Variants in ZMYM3 observed in about 807,000 individuals in gnomAD.
ZMYM3 encodes the protein zinc finger MYM-type containing 3, also known as zinc finger MYM-type protein 3.
In ZMYM3, 6 loss-of-function variants were observed where a neutral mutation model predicts 94.2. The observed-to-expected ratio is 0.06, with a 90% CI of 0.03 to 0.13. The LOEUF is 0.13. Ranked by LOEUF, ZMYM3 falls within the 10% of genes least tolerant of loss-of-function variation. The pLI, the probability that ZMYM3 is intolerant of heterozygous loss-of-function variation, is 1.00. For missense variants in ZMYM3, 664 were observed against 1,132.6 expected (o/e 0.59, Z 5.94); for synonymous variants, 420 against 426.5 (o/e 0.98, Z 0.19).
chrX:71,241,386 G>A, intron 23 of ZMYM3, 42 bp from the exon 24 acceptor site: 1 of 1,044,457 alleles, frequency 9.6e-7, no homozygotes, highest in South Asian at 2.3e-5. Context: ...AAGAACACAG[G>A]CTCCATGAGC....
intron 18 of ZMYM3, among the ~76,000 whole-genome samples, chrX:71,245,127 TAAA>T (rs5902685): frequency 7.0e-5 from 3 of 42,629 alleles, no homozygotes; most frequent in Admixed American, 3.1e-4. Context: ...GCTTAAAAAT[TAAA>T]AAAAAAAAAA....
rs150088885 is a variant in ZMYM3 at position 71,241,521 on chromosome X, C to T, written c.3803-177G>A. 5.2e-3 allele frequency among the ~76,000 whole-genome samples: 573 copies of T among 111,087 alleles called. 2 individuals are homozygous for T. Among genetic ancestry groups the T allele is most frequent in the African/African-American group, 0.018 (553 of 30,524 alleles). On this transcript the variant is annotated intron_variant, in intron 23 of 24. Coordinates refer to ENST00000314425, the MANE Select transcript of ZMYM3 (RefSeq NM_201599.3). The stretch of plus-strand genomic sequence containing the variant: ...CTCCCACGCCAACCCAACATCCTGT[C>T]GGGCTGTTGTTATGCAACCCTCCCC...
chrX:71,251,601 C>T lies in ZMYM3; in HGVS notation c.668G>A (p.Gly223Glu), dbSNP rs1373826212. 2 of 1,186,399 alleles carry T rather than the reference C, an allele frequency of 1.7e-6. No homozygotes were observed. The highest frequency in any genetic ancestry group is 2.3e-6 in the Non-Finnish European group (2 of 883,523). The change falls in exon 3 of 25, where the codon GGA becomes GAA. Residue 223 changes from glycine (G) to glutamate (E), a missense_variant and splice_region_variant. Coordinates refer to ENST00000314425, the MANE Select transcript of ZMYM3 (RefSeq NM_201599.3). Reference protein sequence around the residue: ...SSPPAHPSLPGDGLTAKASEK... With the variant: ...SSPPAHPSLPEDGLTAKASEK... ...ACTCGCCTTCGCAGTCAGGCCATCT[C>T]CTGCAAAGGAAGCAGAAGGCAGCCT...
intron 23 of ZMYM3, 130 bp downstream of exon 23, chrX:71,242,040 C>T: frequency 3.3e-6 from 3 of 917,033 alleles, no homozygotes; most frequent in Non-Finnish European, 2.9e-6. Context: ...CCTTTCTGCA[C>T]ACAGGAACAG....
intron 12 of ZMYM3, 46 bp downstream of exon 12, chrX:71,247,688 C>G: frequency 8.4e-7 from 1 of 1,186,351 alleles, no homozygotes. Flanking sequence ...GCCCGTGCTC[C>G]CCACTGCCCT....
chrX:71,254,234 TCGCGAGACAGCGCCGGCCCCCGG>T (rs1369934313), upstream of ZMYM3: 2 of 112,262 alleles, frequency 1.8e-5, no homozygotes, highest in Non-Finnish European at 3.8e-5. Context: ...AGGAGGGGGC[TCGCGAGACAGCGCCGGCCCCCGG>T]CGCGAGACTC....
intron 11 of ZMYM3, 67 bp downstream of exon 11, chrX:71,248,095 C>G: frequency 8.4e-7 from 1 of 1,184,750 alleles, no homozygotes; most frequent in Non-Finnish European, 1.1e-6. Context: ...TCCCGGCCTC[C>G]CTCCCTTCTC....
intron 2 of ZMYM3, chrX:71,251,992 G>C (rs1196849701): frequency 2.4e-6 from 1 of 416,019 alleles, no homozygotes; most frequent in African/African-American, 2.7e-5. Flanking sequence ...GATTCAGGTG[G>C]TTATATAAGC....
At position 71,240,842 on chromosome X, in the gene ZMYM3, G is replaced by C; in HGVS notation, c.*74C>G. ...TTCAGAATGAGTAGCATTGGTTCCT[G>C]GGCCTGTCACCCTGAGGGACATGGC... On this transcript the variant is annotated 3_prime_UTR_variant, in exon 25 of 25. Coordinates refer to ENST00000314425, the MANE Select transcript of ZMYM3 (RefSeq NM_201599.3). The C allele has an allele frequency of 9.2e-7, 1 of 1,085,155 alleles. No individual in the cohort carries two copies. Among genetic ancestry groups the C allele is most frequent in the Non-Finnish European group, 1.3e-6 (1 of 792,745 alleles). 89.4% of individuals were successfully genotyped at this position (1,085,155 alleles called of 1,213,427 possible). A position where few individuals can be genotyped will look rare whatever the true frequency, so the allele number is the denominator to read the frequency against.
At position 71,249,539 on chromosome X, in the gene ZMYM3, A is replaced by G. The variant is rs1569225882; in HGVS notation, c.1392T>C (p.Ser464=). 8.3e-7 allele frequency: 1 copy of G among 1,205,723 alleles called. No homozygotes were observed. Residue 464 remains serine, a synonymous_variant, in exon 7 of 25, where the codon AGT becomes AGC. Coordinates refer to ENST00000314425, the MANE Select transcript of ZMYM3 (RefSeq NM_201599.3). ...CGAYIYTKTG[S]PGPELLFHEG... ...CGTGGAAGAGGAGCTCAGGGCCAGGACTCCCGGTCTTGGTGTAGATGTAAG... is the reference window on the plus strand; with the variant it reads ...CGTGGAAGAGGAGCTCAGGGCCAGGGCTCCCGGTCTTGGTGTAGATGTAAG...
chrX:71,241,124 TG>T lies in ZMYM3; in HGVS notation c.3921-17del, dbSNP rs765172009. ...GCTTTCAGGACTGCAACATCGGGGGTGGGAGTGGGAGTGGGGGTGGCAGGAC... is the reference window on the plus strand; with the variant it reads ...GCTTTCAGGACTGCAACATCGGGGGTGGAGTGGGAGTGGGGGTGGCAGGAC... On this transcript the variant is annotated splice_polypyrimidine_tract_variant and intron_variant, in intron 24 of 24. Coordinates refer to ENST00000314425, the MANE Select transcript of ZMYM3 (RefSeq NM_201599.3). 308 of 1,194,048 alleles carry T rather than the reference TG, an allele frequency of 2.6e-4. No individual in the cohort carries two copies. The highest frequency in any genetic ancestry group is 6.9e-4 in the Middle Eastern group (3 of 4,334).
intron 2 of ZMYM3, 71 bp from the exon 3 acceptor site, chrX:71,251,672 G>A (rs1264672764): frequency 7.3e-6 from 8 of 1,094,293 alleles, no homozygotes; most frequent in African/African-American, 5.7e-5. Flanking sequence ...CCCAACCCCC[G>A]CCTCCATTCC....
At chrX:71,243,650 A>G (rs907829436) in intron 21 of ZMYM3, 179 bp downstream of exon 21, 23 of 476,307 alleles carry the variant, frequency 4.8e-5, no homozygotes, top group Non-Finnish European at 7.0e-5. Context: ...GTAGATGGGT[A>G]TCACTTTGTT....
chrX:71,251,063 G>T, intron 4 of ZMYM3, 115 bp downstream of exon 4: 1 of 791,062 alleles, frequency 1.3e-6, no homozygotes, highest in Non-Finnish European at 1.9e-6. Flanking sequence ...GGCACTTCAT[G>T]CGCTTCATGG....
chrX:71,246,163 G>A (rs2030161068), intron 15 of ZMYM3, 65 bp from the exon 16 acceptor site: 1 of 1,099,130 alleles, frequency 9.1e-7, no homozygotes, highest in Non-Finnish European at 1.2e-6. Context: ...CCCACCAAAA[G>A]CTCTAACATG....
At chrX:71,252,557 G>C in intron 2 of ZMYM3, 32 bp downstream of exon 2, 1 of 1,128,565 alleles carries the variant, frequency 8.9e-7, no homozygotes. Flanking sequence ...CCCTCTCCCA[G>C]CCCTGATTCT....
At chrX:71,251,720 G>A (rs1008090820) in intron 2 of ZMYM3, 119 bp from the exon 3 acceptor site, 59 of 1,064,631 alleles carry the variant, frequency 5.5e-5, no homozygotes, top group Non-Finnish European at 6.9e-5. Flanking sequence ...GGGAAAACTC[G>A]AGTGCCTGTG....
At chrX:71,249,947 G>A (rs1330399982) in intron 6 of ZMYM3, 79 bp downstream of exon 6, 1 of 1,110,129 alleles carries the variant, frequency 9.0e-7, no homozygotes. Context: ...ACAGGGCCTG[G>A]ACCCTGCAGC....
chrX:71,245,478 C>T lies in ZMYM3; in HGVS notation c.2868G>A (p.Val956=), dbSNP rs1403114782. ...GGAGTCCCTCTGCACTCTGGTTGCT[C>T]ACAAGATCTGGGAAGCAGAGAAGTT... The part of the protein sequence containing the change: ...DKASSDLCDL[V]SNQSAEGLLE... Residue 956 remains valine (V), a synonymous_variant, in exon 18 of 25, where the codon GTG becomes GTA. Coordinates refer to ENST00000314425, the MANE Select transcript of ZMYM3 (RefSeq NM_201599.3). The T allele has an allele frequency of 3.3e-6, 4 of 1,206,557 alleles. No individual in the cohort carries two copies. In the Admixed American group the frequency reaches 8.8e-5, roughly 27 times the overall value.
Sources: allele counts gnomAD v4.1 joint callset (sites outside exome capture counted in the v4.1 genomes callset), GRCh38; gene constraint gnomAD v4.1.1; transcripts MANE v1.5; gene names NCBI Gene and HGNC (gene_info 2026-07-23, HGNC 2026-07-21).